Variants in AK8 observed in about 807,000 individuals in gnomAD.
The protein encoded by AK8 is ATP-AMP transphosphorylase 8.
Under a neutral mutation model 54.6 loss-of-function variants are expected in AK8, and 44 were observed. That is an observed-to-expected ratio of 0.81 (90% CI 0.63 to 1.04). The LOEUF is 1.04. AK8 is among the 50% of genes least tolerant of loss of function. The probability of loss-of-function intolerance (pLI) is 0.00; values close to 1 mark genes in which losing one functional copy is unlikely to be tolerated. For synonymous variants in AK8, 239 were observed against 245.6 expected (o/e 0.97, Z 0.25); for missense variants, 555 against 613.6 (o/e 0.90, Z 1.01).
At chr9:132,839,286 A>G (rs912062056) in intron 5 of AK8, among the ~76,000 whole-genome samples, 17 of 152,042 alleles carry the variant, frequency 1.1e-4, no homozygotes, top group African/African-American at 3.4e-4. Context: ...GCTCTTCACC[A>G]ACTGTGTCTT....
intron 11 of AK8, among the ~76,000 whole-genome samples, chr9:132,733,519 G>A (rs1836958363): frequency 6.6e-6 from 1 of 152,272 alleles, no homozygotes; most frequent in African/African-American, 2.4e-5. Context: ...TCAAGGGAAT[G>A]GCTTGTGAAA....
At chr9:132,834,685 G>A (rs987767496) in intron 5 of AK8, among the ~76,000 whole-genome samples, 1 of 152,116 alleles carries the variant, frequency 6.6e-6, no homozygotes, top group Non-Finnish European at 1.5e-5. Context: ...GCCGAAATAT[G>A]CAGGAGTGAT....
intron 4 of AK8, among the ~76,000 whole-genome samples, chr9:132,857,134 C>A (rs553030342): frequency 6.6e-6 from 1 of 152,160 alleles, no homozygotes; most frequent in Non-Finnish European, 1.5e-5. Flanking sequence ...CTTATCCTAC[C>A]GCCCCCTTCC....
chr9:132,873,238 C>A (rs1267715493), intron 2 of AK8, among the ~76,000 whole-genome samples: 1 of 152,226 alleles, frequency 6.6e-6, no homozygotes, highest in Non-Finnish European at 1.5e-5. Context: ...TTCCTGGAAG[C>A]TGCTACCCAT....
chr9:132,777,024 C>T (rs1045113775), intron 11 of AK8, among the ~76,000 whole-genome samples: 3 of 152,112 alleles, frequency 2.0e-5, no homozygotes, highest in African/African-American at 7.2e-5. Flanking sequence ...ATCCTTGTCT[C>T]CTTGCAAGAT....
intron 10 of AK8, among the ~76,000 whole-genome samples, chr9:132,795,564 C>T (rs1036491890): frequency 3.3e-5 from 5 of 152,140 alleles, no homozygotes; most frequent in African/African-American, 9.7e-5. Context: ...GATATTTTCA[C>T]GGAAAGAAGA....
chr9:132,875,753 C>G (rs1440621680), intron 1 of AK8, among the ~76,000 whole-genome samples: 1 of 152,248 alleles, frequency 6.6e-6, no homozygotes, highest in Non-Finnish European at 1.5e-5. Context: ...CCCCGGCAGG[C>G]CATGGGTTCT....
chr9:132,843,106 T>G (rs536677533), intron 5 of AK8, among the ~76,000 whole-genome samples: 28 of 152,288 alleles, frequency 1.8e-4, no homozygotes, highest in African/African-American at 3.9e-4. Context: ...GAGAGTTGCT[T>G]AGTGATATAG....
At chr9:132,743,218 C>A (rs187898902) in intron 11 of AK8, among the ~76,000 whole-genome samples, 185 of 152,382 alleles carry the variant, frequency 1.2e-3, no homozygotes, top group African/African-American at 4.2e-3. Flanking sequence ...TGGGGGCCCA[C>A]CCACGTGCCT....
chr9:132,738,723 CAACA>C (rs1837229784), intron 11 of AK8, among the ~76,000 whole-genome samples: 1 of 148,170 alleles, frequency 6.7e-6, no homozygotes, highest in African/African-American at 2.5e-5. Flanking sequence ...GACACTATTA[CAACA>C]AACAACGCAG....
intron 11 of AK8, among the ~76,000 whole-genome samples, chr9:132,749,521 C>T (rs558437617): frequency 3.9e-5 from 6 of 151,970 alleles, no homozygotes; most frequent in South Asian, 4.2e-4. Flanking sequence ...AAGCCCGGGA[C>T]GTAGGTGTAA....
At chr9:132,856,089 C>T (rs951842284) in intron 4 of AK8, among the ~76,000 whole-genome samples, 3 of 152,228 alleles carry the variant, frequency 2.0e-5, no homozygotes, top group African/African-American at 7.2e-5. Flanking sequence ...CAACTCTTCT[C>T]AGGGGAGTCG....
rs921812027 is a variant in AK8, at chr9:132,803,786, C to A, written c.979+10852G>T. The stretch of plus-strand genomic sequence containing the variant: ...AAATCCTTCAGGCTGCATGCTGCCC[C>A]CTGTGACCTGTCTCCTCTTTGTTCC... On this transcript the variant is annotated intron_variant, in intron 10 of 12. Coordinates refer to ENST00000298545, the MANE Select transcript of AK8 (RefSeq NM_152572.3). This position sits in a 1 kb window ranked among gnomAD's most constrained non-coding sequence, Gnocchi z 4.4. 1.3e-5 allele frequency among the ~76,000 whole-genome samples: 2 copies of A among 152,100 alleles called. No individual in the cohort carries two copies. The highest frequency in any genetic ancestry group is 4.8e-5 in the African/African-American group (2 of 41,404).
chr9:132,778,989 C>A (rs1244594120), intron 11 of AK8, among the ~76,000 whole-genome samples: 1 of 151,890 alleles, frequency 6.6e-6, no homozygotes, highest in East Asian at 1.9e-4. Flanking sequence ...GGCTACCTTC[C>A]CCACTTCCAA....
Position 132,780,365 on chromosome 9 carries a change from G to T in AK8, c.1121+12269C>A, listed in dbSNP as rs140776852. Among the ~76,000 whole-genome samples the T allele has an allele frequency of 6.0e-3, 913 of 152,200 alleles. 6 individuals are homozygous for T. The highest frequency in any genetic ancestry group is 0.011 in the Non-Finnish European group (742 of 68,000). On this transcript the variant is annotated intron_variant, in intron 11 of 12. Transcript: ENST00000298545. ...GCGGAAGTGACAGCCCCTTGTGCCT[G>T]GGGGTGGGTGTCTGCCAGCCTCCCT...
intron 5 of AK8, among the ~76,000 whole-genome samples, chr9:132,844,278 CAA>C (rs2131353224): frequency 1.6e-5 from 1 of 61,894 alleles, no homozygotes; most frequent in South Asian, 5.6e-4. Context: ...AAAAATTCTT[CAA>C]AGAGACTGCA....
At chr9:132,739,433 C>T (rs1455511077) in intron 11 of AK8, among the ~76,000 whole-genome samples, 1 of 87,460 alleles carries the variant, frequency 1.1e-5, no homozygotes, top group Non-Finnish European at 2.0e-5. Context: ...CAGAGAGTGA[C>T]TCTGTCTCAA....
intron 9 of AK8, among the ~76,000 whole-genome samples, chr9:132,815,171 G>A (rs1352631516): frequency 6.6e-6 from 1 of 152,214 alleles, no homozygotes; most frequent in African/African-American, 2.4e-5. Flanking sequence ...CACAGCAGAG[G>A]GGGTGCAGTG....
chr9:132,778,245 C>T (rs910444752), intron 11 of AK8, among the ~76,000 whole-genome samples: 12 of 152,142 alleles, frequency 7.9e-5, no homozygotes, highest in Non-Finnish European at 1.2e-4. Context: ...CAGGGTCACC[C>T]GGGTTCTATT....
Sources: gnomAD v4.1 joint callset for allele counts (sites outside exome capture counted in the v4.1 genomes callset) on GRCh38, gnomAD v4.1.1 for gene constraint, Gnocchi (gnomAD v3.1) non-coding constraint, MANE v1.5 for transcripts, NCBI Gene and HGNC (gene_info 2026-07-23, HGNC 2026-07-21) for gene names.